The following CCSER1 variants were observed in gnomAD, a reference collection of about 807,000 sequenced individuals.
CCSER1 encodes the protein coiled-coil serine rich protein 1.
In CCSER1, 41 loss-of-function variants were observed where a neutral mutation model predicts 82.0. The ratio of observed to expected loss-of-function variants is 0.50; its 90% CI spans 0.39 to 0.65. The LOEUF (loss-of-function observed/expected upper bound fraction) is 0.65. Ranked by LOEUF, CCSER1 falls within the 30% of genes least tolerant of loss-of-function variation. The pLI is 0.00. For missense variants in CCSER1, 1,119 were observed against 1,064.2 expected, an observed-to-expected ratio of 1.05 and a Z score of -0.72; for synonymous variants, 414 against 383.9, an observed-to-expected ratio of 1.08 and a Z score of -0.92.
intron 10 of CCSER1, among the ~76,000 whole-genome samples, chr4:91,422,837 A>AT (rs1240157887): frequency 1.3e-5 from 2 of 152,218 alleles, no homozygotes; most frequent in Non-Finnish European, 2.9e-5. Context: ...CTCAAGTTCT[A>AT]TAACAGTAAA....
intron 5 of CCSER1, among the ~76,000 whole-genome samples, chr4:90,511,167 C>A (rs2153617271): frequency 6.6e-6 from 1 of 152,304 alleles, no homozygotes; most frequent in African/African-American, 2.4e-5. Flanking sequence ...TGCCTGTAAT[C>A]TCACCACTTT....
chr4:90,933,750 T>C (rs1730575443), intron 9 of CCSER1, among the ~76,000 whole-genome samples: 2 of 152,054 alleles, frequency 1.3e-5, no homozygotes, highest in Admixed American at 6.6e-5. Context: ...TGCTGGATTA[T>C]GTATAAATAT....
chr4:90,428,501 A>G (rs765784044), intron 4 of CCSER1, among the ~76,000 whole-genome samples: 2 of 151,908 alleles, frequency 1.3e-5, no homozygotes, highest in South Asian at 2.1e-4. Context: ...TGTTAAGTGT[A>G]TTATATGCTG....
chr4:91,104,343 C>A (rs1469468294), intron 10 of CCSER1, among the ~76,000 whole-genome samples: 1 of 152,118 alleles, frequency 6.6e-6, no homozygotes, highest in African/African-American at 2.4e-5. Flanking sequence ...CCTTTTCAAA[C>A]CCTTAATAAA....
At chr4:91,249,996 A>G (rs1170097671) in intron 10 of CCSER1, among the ~76,000 whole-genome samples, 1 of 152,142 alleles carries the variant, frequency 6.6e-6, no homozygotes, top group African/African-American at 2.4e-5. Flanking sequence ...TTCAAAACTA[A>G]AATGTCGTTC....
chr4:90,587,171 A>G (rs1462253989), intron 5 of CCSER1, among the ~76,000 whole-genome samples: 1 of 152,216 alleles, frequency 6.6e-6, no homozygotes, highest in African/African-American at 2.4e-5. Flanking sequence ...GATAATCTCA[A>G]AAAGAAAAAT....
chr4:90,545,105 G>T (rs776398273), intron 5 of CCSER1, among the ~76,000 whole-genome samples: 2 of 151,990 alleles, frequency 1.3e-5, no homozygotes, highest in Non-Finnish European at 2.9e-5. Context: ...CAAATTTCTG[G>T]CTCTTTGGGT....
chr4:90,957,727 TAC>T (rs1733666768), intron 9 of CCSER1, among the ~76,000 whole-genome samples: 1 of 141,274 alleles, frequency 7.1e-6, no homozygotes, highest in South Asian at 2.2e-4. Context: ...TACCCACACA[TAC>T]ACACACAGCT....
chr4:90,297,724 A>T (rs1220272150), intron 1 of CCSER1, among the ~76,000 whole-genome samples: 4 of 152,032 alleles, frequency 2.6e-5, no homozygotes, highest in Admixed American at 2.6e-4. Context: ...ATTTTGTCAA[A>T]GGCCTTTTCT....
chr4:91,398,536 GAATT>G (rs1197825786), intron 10 of CCSER1, among the ~76,000 whole-genome samples: 2 of 151,872 alleles, frequency 1.3e-5, no homozygotes, highest in South Asian at 2.1e-4. Flanking sequence ...CAAAAGCACA[GAATT>G]AATTCATTAA....
At chr4:90,214,216 A>C (rs1740595363) in intron 1 of CCSER1, among the ~76,000 whole-genome samples, 1 of 152,148 alleles carries the variant, frequency 6.6e-6, no homozygotes, top group Non-Finnish European at 1.5e-5. Context: ...AGTGGTAAGA[A>C]AGGGAGATTA....
chr4:91,113,636 G>T (rs980817637), intron 10 of CCSER1, among the ~76,000 whole-genome samples: 5 of 152,080 alleles, frequency 3.3e-5, no homozygotes, highest in Non-Finnish European at 7.4e-5. Flanking sequence ...AATCTTTATT[G>T]ACAAAATAAG....
At chr4:90,788,464 A>G (rs891060524) in intron 7 of CCSER1, among the ~76,000 whole-genome samples, 1 of 152,162 alleles carries the variant, frequency 6.6e-6, no homozygotes, top group African/African-American at 2.4e-5. Flanking sequence ...GTGCTAGGGA[A>G]GGATCTATTC....
chr4:90,991,406 T>C (rs553838755), intron 9 of CCSER1, among the ~76,000 whole-genome samples: 1 of 152,106 alleles, frequency 6.6e-6, no homozygotes, highest in African/African-American at 2.4e-5. Context: ...CTGAAGCCTT[T>C]AAAGAGAAAT....
intron 10 of CCSER1, among the ~76,000 whole-genome samples, chr4:91,251,289 T>C (rs1199271648): frequency 1.3e-5 from 2 of 152,152 alleles, no homozygotes; most frequent in Admixed American, 6.5e-5. Context: ...TATCTTCACA[T>C]GGTGGAGAGA....
intron 10 of CCSER1, among the ~76,000 whole-genome samples, chr4:91,286,728 C>G (rs1378281867): frequency 6.6e-6 from 1 of 151,800 alleles, no homozygotes; most frequent in Non-Finnish European, 1.5e-5. Context: ...TTCCAAATTA[C>G]AGAAGCATGT....
In CCSER1 at chr4:91,460,710, G is replaced by C. The variant is rs565105785; in HGVS notation, c.2218-137862G>C. Among the ~76,000 whole-genome samples the C allele has an allele frequency of 5.0e-4, 76 of 152,016 alleles. 1 individual carries two copies. The highest frequency in any genetic ancestry group is 9.9e-4 in the Non-Finnish European group (67 of 67,972). On this transcript the variant is annotated intron_variant, in intron 10 of 10. Transcript: ENST00000509176. ...CCTTCCACCCCAGTGTTTACTCTTC[G>C]AGCACACCGTGAAAGCCAGGTGGTA...
At chr4:91,348,380 C>A (rs1489942557) in intron 10 of CCSER1, among the ~76,000 whole-genome samples, 3 of 151,902 alleles carry the variant, frequency 2.0e-5, no homozygotes, top group African/African-American at 7.3e-5. Flanking sequence ...ATTTAATGTG[C>A]TTTCTTTTAG....
rs535757447 is a variant in CCSER1, at chr4:90,251,264, A to G, written c.-41-56980A>G. Among the ~76,000 whole-genome samples the G allele has an allele frequency of 2.4e-4, 36 of 151,998 alleles. No individual in the cohort carries two copies. In the South Asian group the frequency reaches 7.5e-3, roughly 32 times the overall value. ...TTGTGCTGGCTAGAATGTTCGGTAT[A>G]ATAATGAATAAATATGATGATATTG... is the stretch of plus-strand genomic sequence containing the variant. On this transcript the variant is annotated intron_variant, in intron 1 of 10. Coordinates refer to ENST00000509176, the MANE Select transcript of CCSER1 (RefSeq NM_001145065.2).
Sources: gnomAD v4.1 joint callset for allele counts (sites outside exome capture counted in the v4.1 genomes callset) on GRCh38, gnomAD v4.1.1 for gene constraint, MANE v1.5 for transcripts, NCBI Gene and HGNC (gene_info 2026-07-23, HGNC 2026-07-21) for gene names.